The following FGF13 variants were observed in gnomAD, a reference collection of about 807,000 sequenced individuals.
FGF13 encodes the protein fibroblast growth factor homologous factor 2.
FGF13 carries 2 observed loss-of-function variants against 19.5 expected under a neutral mutation model. That is an observed-to-expected ratio of 0.10 (90% CI 0.04 to 0.32). The LOEUF (loss-of-function observed/expected upper bound fraction) is 0.32, where lower values mean the gene tolerates loss of function less well. Among genes scored for constraint, FGF13 ranks in the 10% least tolerant of loss-of-function variants. FGF13 has a pLI of 1.00. For missense variants in FGF13, 113 were observed against 192.7 expected (o/e 0.59, Z 2.45); for synonymous variants, 72 against 76.9 (o/e 0.94, Z 0.33).
intron 3 of FGF13, among the ~76,000 whole-genome samples, chrX:138,746,747 T>A (rs763382827): frequency 7.1e-5 from 8 of 112,294 alleles, no homozygotes; most frequent in Non-Finnish European, 1.1e-4. Flanking sequence ...ATTCTGTCTA[T>A]CTCATAGGTT....
intron 1 of FGF13, among the ~76,000 whole-genome samples, chrX:138,992,961 G>A (rs144130963): frequency 8.9e-6 from 1 of 112,007 alleles, no homozygotes; most frequent in African/African-American, 3.2e-5. Flanking sequence ...AGGAGACATA[G>A]AGAAATTATG....
At chrX:138,756,806 C>A (rs1328969175) in intron 3 of FGF13, among the ~76,000 whole-genome samples, 4 of 111,385 alleles carry the variant, frequency 3.6e-5, no homozygotes, top group Non-Finnish European at 1.9e-5. Flanking sequence ...TCCTCCTAAT[C>A]CTCCTTCCCC....
At chrX:138,811,362 A>G (rs1235960451) in intron 3 of FGF13, among the ~76,000 whole-genome samples, 1 of 110,285 alleles carries the variant, frequency 9.1e-6, no homozygotes, top group Non-Finnish European at 1.9e-5. Flanking sequence ...ACCAAACACC[A>G]CATGTTCTCA....
intron 1 of FGF13, among the ~76,000 whole-genome samples, chrX:139,120,596 A>C: frequency 8.9e-6 from 1 of 112,066 alleles, no homozygotes; most frequent in Non-Finnish European, 1.9e-5. Context: ...GGGGCCTCCC[A>C]AGCTGGGTCC....
At chrX:139,185,306 C>A (rs1943717525) in intron 1 of FGF13, among the ~76,000 whole-genome samples, 1 of 111,802 alleles carries the variant, frequency 8.9e-6, no homozygotes, top group Non-Finnish European at 1.9e-5. Flanking sequence ...CTCTTTTAAC[C>A]CACTATATAA....
intron 1 of FGF13, among the ~76,000 whole-genome samples, chrX:139,072,803 T>C (rs1361896070): frequency 8.9e-6 from 1 of 112,057 alleles, no homozygotes; most frequent in Non-Finnish European, 1.9e-5. Context: ...TATTTGAATA[T>C]TGACTTTCAA....
intron 3 of FGF13, among the ~76,000 whole-genome samples, chrX:138,849,469 G>C (rs779426119): frequency 4.9e-4 from 55 of 112,258 alleles, no homozygotes; most frequent in Non-Finnish European, 9.4e-4. Flanking sequence ...AACCAGGCAA[G>C]TGAATTGTCA....
At chrX:138,818,238 A>C (rs2090974552) in intron 3 of FGF13, among the ~76,000 whole-genome samples, 2 of 111,127 alleles carry the variant, frequency 1.8e-5, no homozygotes, top group African/African-American at 6.5e-5. Context: ...ATTGTAACCC[A>C]ATCATCAATT....
At chrX:138,641,394 T>C (rs1303819557) in intron 3 of FGF13, among the ~76,000 whole-genome samples, 7 of 111,952 alleles carry the variant, frequency 6.3e-5, no homozygotes. Flanking sequence ...GAACAATTAC[T>C]GCCAATAGCA....
At chrX:138,942,999 A>G (rs762511386) in intron 1 of FGF13, among the ~76,000 whole-genome samples, 1 of 112,316 alleles carries the variant, frequency 8.9e-6, no homozygotes, top group Admixed American at 9.5e-5. Flanking sequence ...TACTTTGCTC[A>G]TGTAATTTAT....
At chrX:139,202,821 C>T (rs1158373605) in intron 1 of FGF13, among the ~76,000 whole-genome samples, 14 of 111,118 alleles carry the variant, frequency 1.3e-4, no homozygotes, top group Non-Finnish European at 1.9e-5. Flanking sequence ...CCCCCATGAA[C>T]AAAAGCTGGG....
intron 3 of FGF13, among the ~76,000 whole-genome samples, chrX:138,825,991 T>C (rs1260610570): frequency 9.0e-6 from 1 of 111,459 alleles, no homozygotes; most frequent in East Asian, 2.8e-4. Context: ...TGGGACAACC[T>C]ATGAGGACGT....
chrX:138,713,889 T>C (rs2090077528), upstream of FGF13, among the ~76,000 whole-genome samples: 1 of 111,661 alleles, frequency 9.0e-6, no homozygotes, highest in Non-Finnish European at 1.9e-5. Flanking sequence ...AACTCCTGTC[T>C]ACCATCCACA....
chrX:138,700,218 T>C (rs1281546341), intron 3 of FGF13, among the ~76,000 whole-genome samples: 1 of 111,412 alleles, frequency 9.0e-6, no homozygotes, highest in Non-Finnish European at 1.9e-5. Context: ...AAGCAGACTG[T>C]AGTCATCCCT....
intron 1 of FGF13, among the ~76,000 whole-genome samples, chrX:139,140,403 TCTAA>T (rs1324245968): frequency 1.8e-5 from 2 of 111,436 alleles, no homozygotes; most frequent in African/African-American, 3.3e-5. Flanking sequence ...AGCTCTGTGT[TCTAA>T]CTAACTATCT....
intron 3 of FGF13, among the ~76,000 whole-genome samples, chrX:138,810,027 CTT>C (rs1193088124): frequency 1.8e-5 from 2 of 111,498 alleles, no homozygotes; most frequent in African/African-American, 6.5e-5. Flanking sequence ...CCCAAGGTAA[CTT>C]ATAGATTCAA....
intron 1 of FGF13, among the ~76,000 whole-genome samples, chrX:139,199,776 C>A (rs1443131996): frequency 2.7e-5 from 3 of 111,639 alleles, no homozygotes; most frequent in Admixed American, 9.5e-5. Context: ...ATCTCCAGAC[C>A]TAGGACACAT....
intron 1 of FGF13, among the ~76,000 whole-genome samples, chrX:138,943,911 A>G (rs767034138): frequency 1.5e-4 from 17 of 111,756 alleles, no homozygotes; most frequent in Non-Finnish European, 3.2e-4. Flanking sequence ...TCATTCATGA[A>G]AAGGAAAGCA....
intron 1 of FGF13, among the ~76,000 whole-genome samples, chrX:138,726,121 T>C (rs150532453): frequency 5.3e-4 from 59 of 111,220 alleles, no homozygotes; most frequent in Non-Finnish European, 9.8e-4. Context: ...CCAAGGCCTA[T>C]GGACATGAAA....
Sources: allele counts gnomAD v4.1 joint callset (sites outside exome capture counted in the v4.1 genomes callset), GRCh38; gene constraint gnomAD v4.1.1; transcripts MANE v1.5; gene names NCBI Gene and HGNC (gene_info 2026-07-23, HGNC 2026-07-21).